GPR19: variants seen among roughly 807,000 people sequenced by gnomAD.
GPR19 encodes the protein probable G protein-coupled receptor 19.
GPR19 carries 14 observed loss-of-function variants against 28.5 expected under a neutral mutation model. The ratio of observed to expected loss-of-function variants is 0.49; its 90% CI spans 0.32 to 0.77. GPR19 has a LOEUF of 0.77. Among genes scored for constraint, GPR19 ranks in the 30% least tolerant of loss-of-function variants. The pLI is 0.03. For missense variants in GPR19, 409 were observed against 504.1 expected (o/e 0.81, Z 1.81); for synonymous variants, 173 against 184.1 (o/e 0.94, Z 0.49).
the GPR19 span, among the ~76,000 whole-genome samples, chr12:12,713,545 G>T: frequency 2.0e-5 from 3 of 151,138 alleles, no homozygotes; most frequent in Non-Finnish European, 4.4e-5. Context: ...CCTTTTTTGT[G>T]TGTGTGAGAT....
the GPR19 span, among the ~76,000 whole-genome samples, chr12:12,714,141 A>G: frequency 6.6e-6 from 1 of 152,244 alleles, no homozygotes; most frequent in African/African-American, 2.4e-5. Flanking sequence ...AATTAATAGA[A>G]GGTGCTCCGT....
chr12:12,705,394 G>A, the GPR19 span, among the ~76,000 whole-genome samples: 414 of 152,242 alleles, frequency 2.7e-3, 5 homozygotes, highest in East Asian at 0.014. Flanking sequence ...CTATTATGGT[G>A]GGAACAGAAG....
chr12:12,686,560 C>G (rs1946100380), intron 2 of GPR19, among the ~76,000 whole-genome samples: 1 of 152,096 alleles, frequency 6.6e-6, no homozygotes, highest in Non-Finnish European at 1.5e-5. Context: ...ATCCTATCAA[C>G]CCAACAAGAT....
chr12:12,697,874 T>G (rs1174229613), upstream of GPR19, among the ~76,000 whole-genome samples: 1 of 152,180 alleles, frequency 6.6e-6, no homozygotes, highest in Admixed American at 6.5e-5. Context: ...CTCCATTATC[T>G]AGAGGTACTC....
intron 3 of GPR19, among the ~76,000 whole-genome samples, chr12:12,677,947 G>A (rs573803422): frequency 3.3e-5 from 5 of 151,834 alleles, no homozygotes; most frequent in African/African-American, 7.2e-5. Context: ...GGTGGTGGGC[G>A]CCTGTAATCC....
the GPR19 span, among the ~76,000 whole-genome samples, chr12:12,710,451 AT>A: frequency 6.6e-6 from 1 of 152,104 alleles, no homozygotes; most frequent in African/African-American, 2.4e-5. Flanking sequence ...TTAATGGCAC[AT>A]TTGTAAATAT....
the GPR19 span, chr12:12,716,924 G>A: frequency 3.8e-5 from 37 of 984,452 alleles, no homozygotes; most frequent in Non-Finnish European, 4.3e-5. Flanking sequence ...GCCGAGCTGG[G>A]GGCAGCTCGC....
intron 3 of GPR19, among the ~76,000 whole-genome samples, chr12:12,674,231 A>AG (rs1945899319): frequency 7.6e-6 from 1 of 130,958 alleles, no homozygotes; most frequent in Non-Finnish European, 1.6e-5. Flanking sequence ...AAAAAAAAAA[A>AG]GGCTATTACA....
upstream of GPR19, among the ~76,000 whole-genome samples, chr12:12,700,089 A>G (rs1296344120): frequency 2.0e-5 from 3 of 151,632 alleles, no homozygotes; most frequent in Non-Finnish European, 4.4e-5. Context: ...CTGAGATTAC[A>G]GGTATGAGCC....
chr12:12,675,309 G>A (rs913984487), intron 3 of GPR19, among the ~76,000 whole-genome samples: 5 of 152,142 alleles, frequency 3.3e-5, no homozygotes, highest in Non-Finnish European at 5.9e-5. Context: ...AGAACCCCAG[G>A]ACCTAGGAAG....
intron 3 of GPR19, among the ~76,000 whole-genome samples, chr12:12,665,180 C>T (rs1235289312): frequency 6.6e-6 from 1 of 152,182 alleles, no homozygotes; most frequent in South Asian, 2.1e-4. Context: ...AACAGGAGTC[C>T]ACACAGGCAC....
chr12:12,673,816 C>T (rs984358960), intron 3 of GPR19, among the ~76,000 whole-genome samples: 3 of 152,132 alleles, frequency 2.0e-5, no homozygotes, highest in Admixed American at 6.5e-5. Flanking sequence ...GAAAATTCAT[C>T]GCAGGTTTCA....
intron 2 of GPR19, among the ~76,000 whole-genome samples, chr12:12,693,339 A>G (rs1946213483): frequency 6.6e-6 from 1 of 152,224 alleles, no homozygotes; most frequent in Non-Finnish European, 1.5e-5. Context: ...CTCATTGGAA[A>G]AGAACACACA....
the GPR19 span, among the ~76,000 whole-genome samples, chr12:12,706,619 A>G: frequency 6.6e-6 from 1 of 152,168 alleles, no homozygotes; most frequent in African/African-American, 2.4e-5. Flanking sequence ...AACATGACCC[A>G]AACAAAATCT....
the GPR19 span, chr12:12,703,467 A>T: frequency 1.0e-6 from 1 of 967,862 alleles, no homozygotes; most frequent in Non-Finnish European, 1.2e-6. Context: ...ATGGTAATCA[A>T]AGATTCCCAA....
intron 2 of GPR19, among the ~76,000 whole-genome samples, chr12:12,689,345 G>C (rs974352973): frequency 6.6e-6 from 1 of 152,192 alleles, no homozygotes; most frequent in South Asian, 2.1e-4. Context: ...AAACTTGAAA[G>C]TACCTCAGTG....
chr12:12,707,175 G>A, the GPR19 span, among the ~76,000 whole-genome samples: 2 of 152,076 alleles, frequency 1.3e-5, no homozygotes, highest in African/African-American at 4.8e-5. Flanking sequence ...GCTATTTCCT[G>A]TGCCTGCAAC....
At chr12:12,664,929 AAAAAAAAAAAAAAAAAAG>A (rs936534076) in intron 3 of GPR19, among the ~76,000 whole-genome samples, 11 of 143,664 alleles carry the variant, frequency 7.7e-5, no homozygotes, top group Non-Finnish European at 1.7e-4. Flanking sequence ...CAAAAAAAAA[AAAAAAAAAAAAAAAAAAG>A]AAATCAGGAC....
chr12:12,712,133 C>T, the GPR19 span, among the ~76,000 whole-genome samples: 1 of 152,238 alleles, frequency 6.6e-6, no homozygotes, highest in African/African-American at 2.4e-5. Context: ...TGCAGCTACA[C>T]CTTTGCGGCT....
Sources: allele counts gnomAD v4.1 joint callset (sites outside exome capture counted in the v4.1 genomes callset), GRCh38; gene constraint gnomAD v4.1.1; transcripts MANE v1.5; gene names NCBI Gene and HGNC (gene_info 2026-07-23, HGNC 2026-07-21).